The following SLIT3 variants were observed in gnomAD, a reference collection of about 807,000 sequenced individuals.
The protein encoded by SLIT3 is slit homolog 3 protein.
In SLIT3, 68 loss-of-function variants were observed where a neutral mutation model predicts 184.0. The observed-to-expected ratio is 0.37, with a 90% CI of 0.30 to 0.45. The LOEUF (loss-of-function observed/expected upper bound fraction) is 0.45. Among genes scored for constraint, SLIT3 ranks in the 20% least tolerant of loss-of-function variants. SLIT3 has a pLI of 1.00. For synonymous variants in SLIT3, 831 were observed against 828.6 expected, an observed-to-expected ratio of 1.00 and a Z score of -0.05; for missense variants, 1,707 against 2,026.0, an observed-to-expected ratio of 0.84 and a Z score of 3.02.
At position 168,920,316 on chromosome 5, in the gene SLIT3, G is replaced by A. The variant is rs1321749745; in HGVS notation, c.414-36980C>T. Among the ~76,000 whole-genome samples the A allele has an allele frequency of 8.5e-5, 13 of 152,104 alleles. No homozygotes were observed. In the South Asian group the frequency reaches 1.0e-3, roughly 12 times the overall value. On this transcript the variant is annotated intron_variant, in intron 4 of 35. Coordinates refer to ENST00000519560, the MANE Select transcript of SLIT3 (RefSeq NM_003062.4). ...CGAGCTGGAGCCTCTAACCCCTTCC[G>A]GGCAGCCCCCATGTACAGAGGCCCC...
chr5:168,844,764 G>T, intron 5 of SLIT3, 109 bp from the exon 6 acceptor site: 1 of 900,352 alleles, frequency 1.1e-6, no homozygotes, highest in Non-Finnish European at 1.8e-6. Context: ...GGCGCTGCTG[G>T]TCCCCGCCAG....
intron 4 of SLIT3, among the ~76,000 whole-genome samples, chr5:169,096,516 A>C (rs1759788969): frequency 1.3e-5 from 2 of 152,374 alleles, no homozygotes; most frequent in South Asian, 4.1e-4. Flanking sequence ...ATATGTAAAT[A>C]AGTGAGTGTG....
intron 4 of SLIT3, among the ~76,000 whole-genome samples, chr5:168,900,911 A>G (rs183744620): frequency 9.2e-4 from 140 of 152,350 alleles, no homozygotes; most frequent in Admixed American, 4.6e-4. Context: ...AACAATGTGT[A>G]CACATGGACA....
intron 3 of SLIT3, among the ~76,000 whole-genome samples, chr5:169,233,203 C>A (rs1002502901): frequency 6.6e-6 from 1 of 151,912 alleles, no homozygotes; most frequent in Non-Finnish European, 1.5e-5. Context: ...TTTTTTATTA[C>A]TAGTAGAGAT....
At chr5:169,236,096 C>G (rs550239014) in intron 3 of SLIT3, among the ~76,000 whole-genome samples, 345 of 152,300 alleles carry the variant, frequency 2.3e-3, no homozygotes, top group Non-Finnish European at 3.8e-3. Flanking sequence ...TGGGATCTTT[C>G]TCTTTATTCC....
At chr5:168,848,606 G>A (rs114372095) in intron 5 of SLIT3, among the ~76,000 whole-genome samples, 1,651 of 152,148 alleles carry the variant, frequency 0.011, 26 homozygotes, top group African/African-American at 0.037. Flanking sequence ...CAGGAAGCTC[G>A]AATTTCGGCA....
At chr5:169,296,256 T>C (rs1291848687) in intron 1 of SLIT3, among the ~76,000 whole-genome samples, 1 of 152,198 alleles carries the variant, frequency 6.6e-6, no homozygotes, top group Non-Finnish European at 1.5e-5. Flanking sequence ...GCTGAACACC[T>C]ACTGTGTGCC....
chr5:169,123,831 G>A (rs905988074), intron 4 of SLIT3, among the ~76,000 whole-genome samples: 1 of 152,184 alleles, frequency 6.6e-6, no homozygotes, highest in African/African-American at 2.4e-5. Flanking sequence ...AGTGTTTTGG[G>A]ATGTTCCAGG....
chr5:168,881,491 A>C (rs577813001), intron 5 of SLIT3, among the ~76,000 whole-genome samples: 1 of 152,160 alleles, frequency 6.6e-6, no homozygotes, highest in Non-Finnish European at 1.5e-5. Flanking sequence ...GTGTCATGAG[A>C]TCTGACTGAT....
intron 4 of SLIT3, among the ~76,000 whole-genome samples, chr5:168,898,255 A>G (rs930919742): frequency 5.3e-5 from 8 of 152,124 alleles, no homozygotes; most frequent in Admixed American, 4.6e-4. Context: ...CCTGACAGGC[A>G]CTCAAGCTGG....
At chr5:168,889,562 C>A (rs1760358486) in intron 4 of SLIT3, among the ~76,000 whole-genome samples, 1 of 152,174 alleles carries the variant, frequency 6.6e-6, no homozygotes, top group Non-Finnish European at 1.5e-5. Context: ...TGAAGGATAT[C>A]AATAAAAGCT....
intron 4 of SLIT3, among the ~76,000 whole-genome samples, chr5:169,053,587 C>T (rs1282042806): frequency 2.0e-5 from 3 of 152,182 alleles, no homozygotes; most frequent in Admixed American, 6.5e-5. Context: ...ATTGCACAAA[C>T]CGAAAATCTG....
chr5:168,875,337 A>C (rs535526903), intron 5 of SLIT3, among the ~76,000 whole-genome samples: 10 of 152,028 alleles, frequency 6.6e-5, no homozygotes, highest in African/African-American at 2.4e-4. Context: ...GGGAGAAATG[A>C]AAGGAGGAAG....
At chr5:168,751,585 T>C (rs74893300) in intron 18 of SLIT3, among the ~76,000 whole-genome samples, 4,337 of 152,216 alleles carry the variant, frequency 0.028, 204 homozygotes, top group African/African-American at 0.098. Flanking sequence ...CCTAGGAAAT[T>C]TGGCTCTAGA....
At chr5:168,825,073 G>T (rs1382755547) in intron 6 of SLIT3, among the ~76,000 whole-genome samples, 2 of 152,116 alleles carry the variant, frequency 1.3e-5, no homozygotes, top group Non-Finnish European at 2.9e-5. Context: ...TTATCTGCAG[G>T]TTCTTTATTT....
At chr5:168,722,389 C>T in intron 22 of SLIT3, 62 bp from the exon 23 acceptor site, 1 of 1,412,426 alleles carries the variant, frequency 7.1e-7, no homozygotes, top group South Asian at 1.2e-5. Context: ...CATAGGTGCA[C>T]TGTTCACGTT....
intron 9 of SLIT3, among the ~76,000 whole-genome samples, chr5:168,800,944 C>A (rs1756746629): frequency 1.5e-5 from 2 of 132,712 alleles, no homozygotes; most frequent in Non-Finnish European, 1.7e-5. Context: ...TTTTTAGTAG[C>A]TTCCAAACAG....
intron 1 of SLIT3, among the ~76,000 whole-genome samples, chr5:169,295,311 C>G (rs1259041064): frequency 3.9e-5 from 6 of 152,206 alleles, no homozygotes; most frequent in African/African-American, 7.2e-5. Context: ...TTTAATCCCC[C>G]CAATGGGGTA....
intron 4 of SLIT3, among the ~76,000 whole-genome samples, chr5:168,956,622 C>T (rs1273726537): frequency 2.0e-5 from 3 of 151,882 alleles, no homozygotes. Flanking sequence ...GGTGAAACCC[C>T]ATCTCTACTA....
Sources: gnomAD v4.1 joint callset for allele counts (sites outside exome capture counted in the v4.1 genomes callset) on GRCh38, gnomAD v4.1.1 for gene constraint, MANE v1.5 for transcripts, NCBI Gene and HGNC (gene_info 2026-07-23, HGNC 2026-07-21) for gene names.